The following SLIT3 variants were observed in gnomAD, a reference collection of about 807,000 sequenced individuals.
The protein encoded by SLIT3 is slit guidance ligand 3, also known as slit homolog 3 protein.
SLIT3 carries 68 observed loss-of-function variants against 184.0 expected under a neutral mutation model. The observed-to-expected ratio is 0.37, with a 90% CI of 0.30 to 0.45. The LOEUF (loss-of-function observed/expected upper bound fraction) is 0.45, where lower values mean the gene tolerates loss of function less well. Among genes scored for constraint, SLIT3 ranks in the 20% least tolerant of loss-of-function variants. The pLI is 1.00. For synonymous variants in SLIT3, 831 were observed against 828.6 expected, an observed-to-expected ratio of 1.00 and a Z score of -0.05; for missense variants, 1,707 against 2,026.0, an observed-to-expected ratio of 0.84 and a Z score of 3.02.
chr5:169,129,061 A>G (rs965962782), intron 4 of SLIT3, among the ~76,000 whole-genome samples: 1 of 152,188 alleles, frequency 6.6e-6, no homozygotes, highest in East Asian at 1.9e-4. Flanking sequence ...AGCGGGGGTT[A>G]TAATTCCTTG....
At chr5:168,844,687 G>C in intron 5 of SLIT3, 32 bp from the exon 6 acceptor site, 1 of 1,609,838 alleles carries the variant, frequency 6.2e-7, no homozygotes, top group Non-Finnish European at 8.5e-7. Flanking sequence ...CATGAAGGCT[G>C]AGCGGGGGCA....
chr5:169,004,559 C>A (rs1044242066), intron 4 of SLIT3, among the ~76,000 whole-genome samples: 1 of 152,106 alleles, frequency 6.6e-6, no homozygotes, highest in African/African-American at 2.4e-5. Flanking sequence ...GCTCAACAGA[C>A]CTGAGTGAAA....
chr5:168,708,363 G>A, intron 25 of SLIT3: 3 of 533,788 alleles, frequency 5.6e-6, no homozygotes, highest in Non-Finnish European at 1.0e-5. Flanking sequence ...TAATTAGCCT[G>A]ATCCGATTTT....
chr5:168,777,569 T>C (rs1221865497), intron 12 of SLIT3, among the ~76,000 whole-genome samples: 2 of 152,146 alleles, frequency 1.3e-5, no homozygotes, highest in Non-Finnish European at 2.9e-5. Context: ...TTACTTCAAA[T>C]ATGTAAGGCA....
chr5:169,082,093 C>G (rs980252526), intron 4 of SLIT3, among the ~76,000 whole-genome samples: 2 of 152,188 alleles, frequency 1.3e-5, no homozygotes, highest in Non-Finnish European at 2.9e-5. Flanking sequence ...ATAAGGAAAA[C>G]AACTCGGAGA....
At chr5:169,255,042 T>TCATAA (rs1261671077) in intron 1 of SLIT3, among the ~76,000 whole-genome samples, 2 of 152,190 alleles carry the variant, frequency 1.3e-5, no homozygotes, top group Non-Finnish European at 2.9e-5. Flanking sequence ...CCTAGTGACA[T>TCATAA]CATAACACAA....
intron 6 of SLIT3, 44 bp from the exon 7 acceptor site, chr5:168,823,375 G>A: frequency 2.8e-6 from 4 of 1,439,662 alleles, no homozygotes; most frequent in Non-Finnish European, 3.9e-6. Flanking sequence ...GCAGCAGCAG[G>A]GGAGGCACCA....
At chr5:168,906,811 T>C (rs953915572) in intron 4 of SLIT3, among the ~76,000 whole-genome samples, 8 of 152,280 alleles carry the variant, frequency 5.3e-5, no homozygotes, top group Non-Finnish European at 1.0e-4. Context: ...TGAAGTGCCC[T>C]TTGTCCTTGG....
intron 4 of SLIT3, among the ~76,000 whole-genome samples, chr5:168,893,281 G>A (rs11134547): frequency 0.33 from 50,430 of 152,098 alleles, 9,103 homozygotes; most frequent in East Asian, 0.6. Context: ...GTTTGAAGCT[G>A]TGTGTCTGCC....
intron 6 of SLIT3, among the ~76,000 whole-genome samples, chr5:168,825,271 C>T (rs932354045): frequency 2.6e-5 from 4 of 152,070 alleles, no homozygotes; most frequent in African/African-American, 9.7e-5. Flanking sequence ...GCATACAGTG[C>T]CCCCCATATT....
chr5:168,774,309 C>G lies in SLIT3; in HGVS notation c.1221G>C (p.Leu407Phe). ...GCAGCTTGTTGTCATACAGGGAGAG[C>G]AAGTTGAGGTTCTGCAGGTCCTGAA... ...NTFQDLQNLNLLSLYDNKLQT... is the reference protein window; with the variant it reads ...NTFQDLQNLNFLSLYDNKLQT... Residue 407 changes from leucine (L) to phenylalanine (F), a missense_variant, in exon 13 of 36, where the codon TTG (leucine) becomes TTC (phenylalanine). Coordinates refer to ENST00000519560, the MANE Select transcript of SLIT3 (RefSeq NM_003062.4). The G allele has an allele frequency of 1.9e-6, 3 of 1,614,090 alleles. No individual in the cohort carries two copies. In the East Asian group the frequency reaches 6.7e-5, roughly 36 times the overall value.
At chr5:169,148,829 C>T (rs559139789) in intron 4 of SLIT3, among the ~76,000 whole-genome samples, 4 of 152,008 alleles carry the variant, frequency 2.6e-5, no homozygotes, top group South Asian at 4.2e-4. Context: ...TCCTAGAAGT[C>T]ATAAACTGCT....
At chr5:169,262,955 G>A (rs1055049592) in intron 1 of SLIT3, among the ~76,000 whole-genome samples, 14 of 152,140 alleles carry the variant, frequency 9.2e-5, no homozygotes, top group East Asian at 1.9e-4. Context: ...GAGTGTGATC[G>A]TATTTGAAAG....
intron 4 of SLIT3, among the ~76,000 whole-genome samples, chr5:169,131,945 G>A (rs930923310): frequency 6.6e-6 from 1 of 152,154 alleles, no homozygotes; most frequent in African/African-American, 2.4e-5. Context: ...CAGCTGTCTT[G>A]CAAACCTAAA....
At chr5:169,175,032 C>A (rs568646768) in intron 4 of SLIT3, among the ~76,000 whole-genome samples, 57 of 152,188 alleles carry the variant, frequency 3.7e-4, no homozygotes, top group Non-Finnish European at 5.4e-4. Context: ...ACTTCAAAGG[C>A]AGAAGGTGGG....
At chr5:168,685,405 A>G (rs184829231) in intron 31 of SLIT3, among the ~76,000 whole-genome samples, 7 of 152,348 alleles carry the variant, frequency 4.6e-5, no homozygotes, top group African/African-American at 1.4e-4. Flanking sequence ...CTTGAACTGA[A>G]TCCCAATTCT....
chr5:168,817,235 G>A, intron 8 of SLIT3, 65 bp downstream of exon 8: 2 of 1,480,288 alleles, frequency 1.4e-6, no homozygotes, highest in Non-Finnish European at 1.9e-6. Flanking sequence ...TCAGGGTGAT[G>A]TTGTGGGAGC....
At chr5:169,201,649 A>G (rs1466929415) in intron 3 of SLIT3, among the ~76,000 whole-genome samples, 2 of 152,228 alleles carry the variant, frequency 1.3e-5, no homozygotes, top group Non-Finnish European at 2.9e-5. Flanking sequence ...CACAATAAAC[A>G]CTTATTCCAC....
intron 4 of SLIT3, among the ~76,000 whole-genome samples, chr5:168,965,462 A>G (rs78817482): frequency 0.011 from 1,690 of 152,298 alleles, 47 homozygotes; most frequent in African/African-American, 0.039. Context: ...GTTATAAAAT[A>G]CTAAATTACT....
Sources: gnomAD v4.1 joint callset for allele counts (sites outside exome capture counted in the v4.1 genomes callset) on GRCh38, gnomAD v4.1.1 for gene constraint, MANE v1.5 for transcripts, NCBI Gene and HGNC (gene_info 2026-07-23, HGNC 2026-07-21) for gene names.